Variants in CLDN16 observed in about 807,000 individuals in gnomAD.
CLDN16 encodes claudin-16.
CLDN16 carries 13 observed loss-of-function variants against 24.6 expected under a neutral mutation model. The observed-to-expected ratio is 0.53, with a 90% confidence interval of 0.34 to 0.84. The LOEUF is 0.84. Ranked by LOEUF, CLDN16 falls within the 40% of genes least tolerant of loss-of-function variation. The probability of loss-of-function intolerance (pLI) is 0.01; values close to 1 mark genes in which losing one functional copy is unlikely to be tolerated. For synonymous variants in CLDN16, 116 were observed against 106.7 expected (o/e 1.09, Z -0.54); for missense variants, 298 against 292.7 (o/e 1.02, Z -0.13).
At chr3:190,303,004 C>A in the CLDN16 span, among the ~76,000 whole-genome samples, 2 of 151,744 alleles carry the variant, frequency 1.3e-5, no homozygotes, top group Non-Finnish European at 2.9e-5. Flanking sequence ...AAAGTTCTAC[C>A]TTTGGGTAAT....
chr3:190,396,496 C>T (rs948990248), intron 1 of CLDN16, among the ~76,000 whole-genome samples: 3 of 152,096 alleles, frequency 2.0e-5, no homozygotes, highest in African/African-American at 7.2e-5. Flanking sequence ...TTTTCTTATC[C>T]TCACTAAACA....
At chr3:190,305,843 C>G in the CLDN16 span, 1 of 152,134 alleles carries the variant, frequency 6.6e-6, no homozygotes, top group South Asian at 2.1e-4. Flanking sequence ...TGGATAAATT[C>G]TATTGTAACA....
intron 1 of CLDN16, among the ~76,000 whole-genome samples, chr3:190,332,626 C>A (rs955435608): frequency 7.9e-5 from 12 of 152,048 alleles, no homozygotes; most frequent in Non-Finnish European, 1.8e-4. Context: ...AATTTTTCCA[C>A]TATTAATTAA....
At chr3:190,362,413 T>A (rs1454493114) in intron 1 of CLDN16, among the ~76,000 whole-genome samples, 1 of 151,852 alleles carries the variant, frequency 6.6e-6, no homozygotes, top group Admixed American at 6.6e-5. Flanking sequence ...CCTCTGTGAT[T>A]CCACCTTCAA....
intron 3 of CLDN16, among the ~76,000 whole-genome samples, chr3:190,375,590 T>C (rs2108649876): frequency 6.6e-6 from 1 of 152,110 alleles, no homozygotes; most frequent in Admixed American, 6.6e-5. Flanking sequence ...ATGGTACTAC[T>C]TGAAATTTTA....
At chr3:190,357,911 C>T (rs1717811306) in intron 1 of CLDN16, among the ~76,000 whole-genome samples, 1 of 151,886 alleles carries the variant, frequency 6.6e-6, no homozygotes, top group African/African-American at 2.4e-5. Context: ...ATGTGTCTTT[C>T]TGCCACAATT....
chr3:190,330,538 T>C (rs1186255105), intron 1 of CLDN16, among the ~76,000 whole-genome samples: 1 of 152,050 alleles, frequency 6.6e-6, no homozygotes, highest in Non-Finnish European at 1.5e-5. Context: ...AGAATACTAG[T>C]ACTACTTTCA....
chr3:190,384,241 G>A (rs1199718025), upstream of CLDN16, among the ~76,000 whole-genome samples: 1 of 152,096 alleles, frequency 6.6e-6, no homozygotes, highest in Non-Finnish European at 1.5e-5. Context: ...TATGGTATAA[G>A]TCAGTTTACT....
At chr3:190,311,840 A>G in the CLDN16 span, among the ~76,000 whole-genome samples, 1 of 152,024 alleles carries the variant, frequency 6.6e-6, no homozygotes, top group Non-Finnish European at 1.5e-5. Flanking sequence ...AGGCATTATT[A>G]TAAAGCTTTG....
intron 1 of CLDN16, among the ~76,000 whole-genome samples, chr3:190,363,314 A>T (rs556515872): frequency 6.6e-6 from 1 of 151,322 alleles, no homozygotes; most frequent in Non-Finnish European, 1.5e-5. Context: ...ACTCCCATTT[A>T]TCTCTTTAAA....
intron 2 of CLDN16, among the ~76,000 whole-genome samples, chr3:190,372,700 C>T (rs1718167681): frequency 6.6e-6 from 1 of 151,918 alleles, no homozygotes; most frequent in African/African-American, 2.4e-5. Context: ...ATTTGTGAAC[C>T]TGTGTAATGT....
rs1577432872 is a variant in CLDN16 at position 190,408,418 on chromosome 3, G to T, written c.487G>T (p.Gly163Cys). The T allele has an allele frequency of 3.1e-6, 5 of 1,614,012 alleles. No homozygotes were observed. Among genetic ancestry groups the T allele is most frequent in the Non-Finnish European group, 4.2e-6 (5 of 1,180,008 alleles). ...ATTTCTTGGTATCCAATATAAATTTGGTTGGTCCTGTTGGCTCGGAATGGC... is the reference window on the plus strand; with the variant it reads ...ATTTCTTGGTATCCAATATAAATTTTGTTGGTCCTGTTGGCTCGGAATGGC... Reference protein sequence around the residue: ...NIFLGIQYKFGWSCWLGMAGS... With the variant: ...NIFLGIQYKFCWSCWLGMAGS... Residue 163 changes from glycine (G) to cysteine (C), a missense_variant, in exon 4 of 5, where the codon GGT (glycine) becomes TGT (cysteine). Physicochemically the swap from Gly to Cys is radical, Grantham distance 159 (BLOSUM62 -3). Transcript: ENST00000264734.
chr3:190,403,991 A>C (rs1719026056), intron 2 of CLDN16, among the ~76,000 whole-genome samples: 1 of 152,182 alleles, frequency 6.6e-6, no homozygotes, highest in Non-Finnish European at 1.5e-5. Context: ...AATCACTCAT[A>C]AGCTCACTAC....
At chr3:190,311,398 T>G in the CLDN16 span, among the ~76,000 whole-genome samples, 2 of 152,170 alleles carry the variant, frequency 1.3e-5, no homozygotes, top group Admixed American at 1.3e-4. Context: ...CAATTTGTAT[T>G]TGGGTAAACT....
intron 1 of CLDN16, among the ~76,000 whole-genome samples, chr3:190,351,651 C>G (rs2108635999): frequency 6.6e-6 from 1 of 151,826 alleles, no homozygotes; most frequent in South Asian, 2.1e-4. Flanking sequence ...TTTTTTAAGT[C>G]AAAATCATGA....
chr3:190,399,944 C>T (rs1242050728), intron 1 of CLDN16, among the ~76,000 whole-genome samples: 1 of 152,092 alleles, frequency 6.6e-6, no homozygotes, highest in Non-Finnish European at 1.5e-5. Context: ...ACTGCACATG[C>T]GAGGGTTCTG....
chr3:190,329,778 A>C (rs947368433), intron 1 of CLDN16, among the ~76,000 whole-genome samples: 1 of 152,192 alleles, frequency 6.6e-6, no homozygotes, highest in Non-Finnish European at 1.5e-5. Context: ...TAAGACTTGC[A>C]TTTGAACATT....
intron 1 of CLDN16, among the ~76,000 whole-genome samples, chr3:190,356,507 C>G (rs1717776743): frequency 6.6e-6 from 1 of 151,822 alleles, no homozygotes. Context: ...AATTACCTGT[C>G]TGTGGTAAAC....
rs1476930089 is a variant in CLDN16 at position 190,410,154 on chromosome 3, G to A, written c.*118G>A. 1.7e-6 allele frequency: 2 copies of A among 1,178,226 alleles called. No individual in the cohort carries two copies. Among genetic ancestry groups the A allele is most frequent in the African/African-American group, 1.5e-5 (1 of 65,816 alleles). The allele number at this position is 1,178,226 out of a possible 1,614,324, so 73.0% of individuals were successfully genotyped here. A position where few individuals can be genotyped will look rare whatever the true frequency, so the allele number is the denominator to read the frequency against. On this transcript the variant is annotated 3_prime_UTR_variant, in exon 5 of 5. Transcript: ENST00000264734. ...GAATTCATATTGAATTAAATTAATT[G>A]CTAGCTTAATCAAAATGTTTGATTC... is the stretch of plus-strand genomic sequence containing the variant.
Sources: gnomAD v4.1 joint callset for allele counts (sites outside exome capture counted in the v4.1 genomes callset) on GRCh38, gnomAD v4.1.1 for gene constraint, MANE v1.5 for transcripts, NCBI Gene and HGNC (gene_info 2026-07-23, HGNC 2026-07-21) for gene names.